Variants in WIPF3 observed in about 807,000 individuals in gnomAD.
WIPF3 encodes the protein WAS/WASL interacting protein family member 3, also known as WAS/WASL-interacting protein family member 3.
WIPF3 carries 33 observed loss-of-function variants against 38.9 expected under a neutral mutation model. That is an observed-to-expected ratio of 0.85 (90% CI 0.64 to 1.14). WIPF3 has a LOEUF of 1.14. Among genes scored for constraint, WIPF3 ranks in the 50% most tolerant of loss-of-function variants. The pLI is 0.00. For missense variants in WIPF3, 711 were observed against 652.5 expected, an observed-to-expected ratio of 1.09 and a Z score of -0.98; for synonymous variants, 324 against 269.3, an observed-to-expected ratio of 1.20 and a Z score of -1.99.
At chr7:29,807,042 G>A (rs1044939802) in intron 1 of WIPF3, among the ~76,000 whole-genome samples, 1 of 151,982 alleles carries the variant, frequency 6.6e-6, no homozygotes. Flanking sequence ...CCTCGGCCTG[G>A]TCCTTCGCGA....
chr7:29,904,197 A>C, intron 7 of WIPF3, 89 bp from the exon 8 acceptor site: 8 of 1,270,490 alleles, frequency 6.3e-6, no homozygotes, highest in Non-Finnish European at 9.1e-6. Context: ...TCATTGTTTT[A>C]AGTGCTGATT....
chr7:29,895,870 G>A (rs1295127105), intron 7 of WIPF3, among the ~76,000 whole-genome samples: 1 of 152,118 alleles, frequency 6.6e-6, no homozygotes, highest in Non-Finnish European at 1.5e-5. Context: ...CTCTAAATTG[G>A]GGATTACAGT....
At chr7:29,838,321 A>C (rs1216145726) in intron 2 of WIPF3, among the ~76,000 whole-genome samples, 1 of 152,212 alleles carries the variant, frequency 6.6e-6, no homozygotes, top group Non-Finnish European at 1.5e-5. Flanking sequence ...ACAATTTGTC[A>C]GTAAAAAATG....
chr7:29,897,387 A>G (rs1350150529), intron 7 of WIPF3, among the ~76,000 whole-genome samples: 2 of 152,214 alleles, frequency 1.3e-5, no homozygotes, highest in Non-Finnish European at 2.9e-5. Context: ...AGGAAATGCT[A>G]TACTGTTTTC....
At chr7:29,807,164 G>C (rs2128060209) in intron 1 of WIPF3, among the ~76,000 whole-genome samples, 1 of 152,252 alleles carries the variant, frequency 6.6e-6, no homozygotes, top group Admixed American at 6.5e-5. Flanking sequence ...AAATTGCAGA[G>C]CCGGAGGTGG....
chr7:29,872,098 T>C (rs748051687), intron 2 of WIPF3, among the ~76,000 whole-genome samples: 10 of 152,230 alleles, frequency 6.6e-5, no homozygotes, highest in Non-Finnish European at 1.2e-4. Flanking sequence ...TTTTGGTGCA[T>C]AGTTTTGCCG....
intron 2 of WIPF3, among the ~76,000 whole-genome samples, chr7:29,859,157 G>A (rs1785235221): frequency 6.6e-6 from 1 of 152,172 alleles, no homozygotes; most frequent in Non-Finnish European, 1.5e-5. Flanking sequence ...GCAGGAACAA[G>A]GTAGCAGTAA....
intron 7 of WIPF3, among the ~76,000 whole-genome samples, chr7:29,901,838 AAAAAAAAAAAAG>A (rs1195845861): frequency 6.9e-5 from 10 of 145,656 alleles, no homozygotes; most frequent in African/African-American, 2.0e-4. Flanking sequence ...AAAAAAAAAA[AAAAAAAAAAAAG>A]AAAGAAAGAA....
rs970622133 is a variant in WIPF3 at position 29,844,863 on chromosome 7, G to A, written c.90+10049G>A. ...GACTCTGGCCGAACGGCTCCCGGCT[G>A]TGCTCTGAAGCGCTAAACCAAAAGC... On this transcript the variant is annotated intron_variant, in intron 2 of 8. Transcript: ENST00000242140. The surrounding 1 kb of genome is among the most constrained non-coding windows in gnomAD (Gnocchi z 4.8). 1.3e-5 allele frequency among the ~76,000 whole-genome samples: 2 copies of A among 152,148 alleles called. No homozygotes were observed. The highest frequency in any genetic ancestry group is 3.9e-4 in the East Asian group (2 of 5,186).
At chr7:29,809,234 G>C (rs1291543271) in intron 1 of WIPF3, among the ~76,000 whole-genome samples, 1 of 152,136 alleles carries the variant, frequency 6.6e-6, no homozygotes, top group Non-Finnish European at 1.5e-5. Context: ...AAACGTCTTT[G>C]TTTTACCACC....
rs1021744337 is a variant in WIPF3, at chr7:29,884,119, A to G, written c.625A>G (p.Lys209Glu). ...PLVSPPGPLTKGNLPVVAPPV... is the reference protein window; with the variant it reads ...PLVSPPGPLTEGNLPVVAPPV... ...TGTGTCCCCACCCGGCCCACTGACC[A>G]AAGGGAACCTCCCGGTGGTTGCACC... The change falls in exon 5 of 9, where the codon AAA becomes GAA. Residue 209 changes from lysine to glutamate, a missense_variant. Physicochemically the swap from Lys to Glu is moderately conservative, Grantham distance 56 (BLOSUM62 1). Coordinates refer to ENST00000242140, the MANE Select transcript of WIPF3 (RefSeq NM_001080529.3). 4.6e-6 allele frequency: 7 copies of G among 1,505,868 alleles called. No homozygotes were observed. Among genetic ancestry groups the G allele is most frequent in the Non-Finnish European group, 5.3e-6 (6 of 1,125,642 alleles). 93.3% of individuals were successfully genotyped at this position (1,505,868 alleles called of 1,614,324 possible).
intron 1 of WIPF3, among the ~76,000 whole-genome samples, chr7:29,816,315 T>TATCATC (rs539772984): frequency 1.4e-4 from 21 of 151,552 alleles, no homozygotes; most frequent in African/African-American, 4.6e-4. Context: ...TTATTATTAT[T>TATCATC]ATCATCATCA....
chr7:29,912,548 C>T (rs779862873), intron 8 of WIPF3: 15 of 213,460 alleles, frequency 7.0e-5, no homozygotes, highest in African/African-American at 1.6e-4. Flanking sequence ...AGTTCATGAG[C>T]GTGATGATTG....
intron 8 of WIPF3, among the ~76,000 whole-genome samples, chr7:29,907,729 T>A (rs1164192514): frequency 6.6e-6 from 1 of 152,224 alleles, no homozygotes; most frequent in African/African-American, 2.4e-5. Flanking sequence ...GTTGGTGCCT[T>A]GATCTTGGAC....
rs754634258 is a variant in WIPF3 at position 29,904,285 on chromosome 7, G to T, written c.1352-1G>T. Reference sequence around the variant, plus strand: ...AATGAGATTGTTCTTTTTTCCTTCAGGCCGTACACCTGGTCCCTGGCTCCA... The same window carrying T: ...AATGAGATTGTTCTTTTTTCCTTCATGCCGTACACCTGGTCCCTGGCTCCA... On this transcript the variant is annotated splice_acceptor_variant, in intron 7 of 8. Coordinates refer to ENST00000242140, the MANE Select transcript of WIPF3 (RefSeq NM_001080529.3). LOFTEE classifies it high-confidence loss of function. 9.3e-6 allele frequency: 15 copies of T among 1,613,156 alleles called. No homozygotes were observed. Among genetic ancestry groups the T allele is most frequent in the Non-Finnish European group, 1.3e-5 (15 of 1,179,656 alleles).
chr7:29,822,123 G>GT, intron 1 of WIPF3, among the ~76,000 whole-genome samples: 17,791 of 62,770 alleles, frequency 0.28, 3,354 homozygotes, highest in East Asian at 0.39. Context: ...TTTTTTCTTA[G>GT]TTTTTTTTTT....
At chr7:29,822,150 A>C (rs1381799610) in intron 1 of WIPF3, among the ~76,000 whole-genome samples, 1 of 28,288 alleles carries the variant, frequency 3.5e-5, no homozygotes, top group African/African-American at 1.4e-4. Context: ...TTTTTGGTAT[A>C]GATCTTATAC....
intron 8 of WIPF3, among the ~76,000 whole-genome samples, chr7:29,910,165 A>G (rs1025329901): frequency 6.6e-6 from 1 of 152,164 alleles, no homozygotes; most frequent in Non-Finnish European, 1.5e-5. Context: ...CACTCATTGC[A>G]TACCTGTATC....
At chr7:29,820,372 TA>T (rs1784517405) in intron 1 of WIPF3, among the ~76,000 whole-genome samples, 1 of 152,166 alleles carries the variant, frequency 6.6e-6, no homozygotes, top group South Asian at 2.1e-4. Context: ...TTTCTTTTAA[TA>T]TGTGAGCTCT....
Sources: gnomAD v4.1 joint callset for allele counts (sites outside exome capture counted in the v4.1 genomes callset) on GRCh38, gnomAD v4.1.1 for gene constraint, Gnocchi (gnomAD v3.1) non-coding constraint, MANE v1.5 for transcripts, NCBI Gene and HGNC (gene_info 2026-07-23, HGNC 2026-07-21) for gene names.